Variants in KATNIP observed in about 807,000 individuals in gnomAD.
KATNIP encodes the protein katanin interacting protein.
Under a neutral mutation model 174.0 loss-of-function variants are expected in KATNIP, and 126 were observed. That is an observed-to-expected ratio of 0.72 (90% CI 0.63 to 0.84). The LOEUF is 0.84. Among genes scored for constraint, KATNIP ranks in the 40% least tolerant of loss-of-function variants. The pLI, the probability that KATNIP is intolerant of heterozygous loss-of-function variation, is 0.00. For missense variants in KATNIP, 1,958 were observed against 2,109.7 expected (o/e 0.93, Z 1.41); for synonymous variants, 810 against 835.7 (o/e 0.97, Z 0.53).
In KATNIP at chr16:27,704,047, A is replaced by C. The variant is rs755647429; in HGVS notation, c.1389+49A>C. ...AGTTGTACATTCAGGAAGTTCCCTC[A>C]GAACAGGCATTTCGCATCAGTGAGG... On this transcript the variant is annotated intron_variant, in intron 12 of 27. Transcript: ENST00000261588. 11 of 1,452,330 alleles carry C rather than the reference A, an allele frequency of 7.6e-6. No homozygotes were observed. In the African/African-American group the frequency reaches 1.5e-4, roughly 19 times the overall value. The allele number at this position is 1,452,330 out of a possible 1,614,324, so 90.0% of individuals were successfully genotyped here.
intron 13 of KATNIP, among the ~76,000 whole-genome samples, chr16:27,713,852 A>G (rs1434071343): frequency 2.7e-5 from 2 of 73,918 alleles, no homozygotes; most frequent in Non-Finnish European, 5.3e-5. Flanking sequence ...ATATATATAT[A>G]TATATCTATC....
At chr16:27,612,874 C>T (rs1299874544) in intron 2 of KATNIP, among the ~76,000 whole-genome samples, 2 of 152,038 alleles carry the variant, frequency 1.3e-5, no homozygotes, top group African/African-American at 4.8e-5. Flanking sequence ...ACTCAGGAGG[C>T]TGAAGTGGGA....
intron 6 of KATNIP, among the ~76,000 whole-genome samples, chr16:27,657,755 C>A (rs1323134523): frequency 1.3e-5 from 2 of 152,046 alleles, no homozygotes; most frequent in South Asian, 2.1e-4. Context: ...ACTAAAAATA[C>A]AAAAATTAGC....
chr16:27,577,061 C>A (rs947543337), intron 2 of KATNIP, among the ~76,000 whole-genome samples: 1 of 152,170 alleles, frequency 6.6e-6, no homozygotes, highest in Non-Finnish European at 1.5e-5. Context: ...TGTCAATGAA[C>A]TCACCAGGCC....
chr16:27,550,897 T>A (rs2089329025), intron 1 of KATNIP, among the ~76,000 whole-genome samples: 1 of 152,224 alleles, frequency 6.6e-6, no homozygotes, highest in South Asian at 2.1e-4. Flanking sequence ...GGTCCCTTTA[T>A]TCCAGAGGTT....
At chr16:27,665,445 G>A (rs918411230) in intron 6 of KATNIP, among the ~76,000 whole-genome samples, 9 of 151,818 alleles carry the variant, frequency 5.9e-5, no homozygotes, top group Admixed American at 5.3e-4. Flanking sequence ...GCCACCCTGT[G>A]AAGAGGTGCT....
chr16:27,558,334 T>A (rs2089715175), intron 1 of KATNIP, among the ~76,000 whole-genome samples: 2 of 152,014 alleles, frequency 1.3e-5, no homozygotes, highest in South Asian at 4.2e-4. Context: ...TTAGTAGGGA[T>A]GGGGTTTCAT....
intron 2 of KATNIP, among the ~76,000 whole-genome samples, chr16:27,577,555 G>T (rs1249829879): frequency 2.1e-5 from 3 of 141,588 alleles, no homozygotes; most frequent in Non-Finnish European, 3.3e-5. Context: ...AGCCGGACGT[G>T]GTGGCAGGTG....
At chr16:27,759,434 G>A (rs894040444) in intron 18 of KATNIP, among the ~76,000 whole-genome samples, 3 of 152,132 alleles carry the variant, frequency 2.0e-5, no homozygotes, top group South Asian at 2.1e-4. Context: ...TTTTGCTGCC[G>A]AACAAGCCAA....
intron 6 of KATNIP, among the ~76,000 whole-genome samples, chr16:27,656,419 GAAAAAAA>G (rs927275425): frequency 5.7e-3 from 195 of 34,442 alleles, no homozygotes; most frequent in Middle Eastern, 0.037. Flanking sequence ...CTCTGTCTCA[GAAAAAAA>G]AAAAAAAAAA....
At chr16:27,693,093 C>A (rs779690725) in intron 8 of KATNIP, among the ~76,000 whole-genome samples, 2 of 152,152 alleles carry the variant, frequency 1.3e-5, no homozygotes, top group Admixed American at 6.6e-5. Context: ...CTGGTGAGAT[C>A]TTCCCCATCC....
At chr16:27,741,063 C>A in intron 15 of KATNIP, 143 bp downstream of exon 15, 1 of 837,022 alleles carries the variant, frequency 1.2e-6, no homozygotes, top group Non-Finnish European at 1.8e-6. Context: ...AAATCACTGT[C>A]TCAGGGGCCA....
At chr16:27,713,803 TATATAC>T (rs1320692959) in intron 13 of KATNIP, among the ~76,000 whole-genome samples, 14 of 47,026 alleles carry the variant, frequency 3.0e-4, no homozygotes, top group African/African-American at 5.6e-4. Context: ...TGTGTGTGTG[TATATAC>T]ATATATATAT....
At position 27,652,389 on chromosome 16, in the gene KATNIP, A is replaced by G. The variant is rs185196089; in HGVS notation, c.540+3654A>G. ...TCCTTAAGTTTGAGGGGAAACCATC[A>G]TACCTGTTTTACATCTCTGGTGAAA... On this transcript the variant is annotated intron_variant, in intron 6 of 27. Coordinates refer to ENST00000261588, the MANE Select transcript of KATNIP (RefSeq NM_015202.5). Among the ~76,000 whole-genome samples the G allele has an allele frequency of 1.1e-4, 16 of 152,356 alleles. No individual in the cohort carries two copies. In the East Asian group the frequency reaches 2.7e-3, roughly 26 times the overall value.
chr16:27,777,081 AG>A lies in KATNIP; in HGVS notation c.4551+54del, dbSNP rs1252642067. 1 of 1,131,280 alleles carries A rather than the reference AG, an allele frequency of 8.8e-7. No homozygotes were observed. Among genetic ancestry groups the A allele is most frequent in the Non-Finnish European group, 1.3e-6 (1 of 744,042 alleles). The allele number at this position is 1,131,280 out of a possible 1,614,324, so 70.1% of individuals were successfully genotyped here. A position where few individuals can be genotyped will look rare whatever the true frequency, so the allele number is the denominator to read the frequency against. On this transcript the variant is annotated intron_variant, in intron 25 of 27. Transcript: ENST00000261588. The surrounding 1 kb of genome is among the most constrained non-coding windows in gnomAD (Gnocchi z 4.4). The stretch of plus-strand genomic sequence containing the variant: ...GAGATAATTATGCTCGTTGGTAATT[AG>A]GCCGCCGGCAATTATCATTTGTCGC...
At chr16:27,582,513 T>C (rs1476127523) in intron 2 of KATNIP, among the ~76,000 whole-genome samples, 3 of 152,188 alleles carry the variant, frequency 2.0e-5, no homozygotes, top group Non-Finnish European at 4.4e-5. Context: ...CTCTGCAGCT[T>C]TGAGAACTTG....
intron 1 of KATNIP, among the ~76,000 whole-genome samples, chr16:27,554,715 T>C (rs2089536396): frequency 6.6e-6 from 1 of 151,908 alleles, no homozygotes; most frequent in African/African-American, 2.4e-5. Context: ...TTCTCAGAAG[T>C]GTTTACCCTA....
chr16:27,697,551 T>C (rs1046419466), intron 8 of KATNIP, among the ~76,000 whole-genome samples: 1 of 150,958 alleles, frequency 6.6e-6, no homozygotes, highest in Non-Finnish European at 1.5e-5. Context: ...TTTACTCCAA[T>C]TGCTTTTGCT....
At chr16:27,695,348 C>T (rs2078877878) in intron 8 of KATNIP, among the ~76,000 whole-genome samples, 2 of 152,328 alleles carry the variant, frequency 1.3e-5, no homozygotes, top group Middle Eastern at 3.4e-3. Flanking sequence ...CCCCCAATCC[C>T]TTTCAGGCCT....
Sources: allele counts gnomAD v4.1 joint callset (sites outside exome capture counted in the v4.1 genomes callset), GRCh38; gene constraint gnomAD v4.1.1; non-coding constraint Gnocchi (gnomAD v3.1); transcripts MANE v1.5; gene names NCBI Gene and HGNC (gene_info 2026-07-23, HGNC 2026-07-21).